Variants in KMT2C observed in about 807,000 individuals in gnomAD.
KMT2C encodes the protein lysine methyltransferase 2C.
A neutral mutation model predicts 507.9 loss-of-function variants in KMT2C; 88 were observed. The observed-to-expected ratio is 0.17, with a 90% CI of 0.15 to 0.21. The LOEUF is 0.21. Ranked by LOEUF, KMT2C falls within the 10% of genes least tolerant of loss-of-function variation. The pLI, the probability that KMT2C is intolerant of heterozygous loss-of-function variation, is 1.00. For missense variants in KMT2C, 4,954 were observed against 5,957.8 expected, an observed-to-expected ratio of 0.83 and a Z score of 5.55; for synonymous variants, 2,049 against 2,080.8, an observed-to-expected ratio of 0.98 and a Z score of 0.42.
intron 26 of KMT2C, among the ~76,000 whole-genome samples, chr7:152,201,231 C>T (rs1347945207): frequency 6.6e-6 from 1 of 151,604 alleles, no homozygotes; most frequent in Non-Finnish European, 1.5e-5. Context: ...TCCATATCGT[C>T]TCTAAAAGTC....
chr7:152,367,894 G>A lies in KMT2C; in HGVS notation c.162-9219C>T, dbSNP rs10230761. 8.5e-3 allele frequency: 8,960 copies of A among 1,060,062 alleles called. 533 individuals carry two copies. In the African/African-American group the frequency reaches 0.12, roughly 15 times the overall value. 65.7% of individuals were successfully genotyped at this position (1,060,062 alleles called of 1,614,324 possible). A position where few individuals can be genotyped will look rare whatever the true frequency, so the allele number is the denominator to read the frequency against. On this transcript the variant is annotated intron_variant, in intron 1 of 58. Transcript: ENST00000262189. ...CCATTGGATATTGAGTTTATGAAGC[G>A]TTCGCATGAAAAAGTGATTATCATC...
chr7:152,241,005 C>A (rs1337693292), intron 14 of KMT2C, among the ~76,000 whole-genome samples: 2 of 152,198 alleles, frequency 1.3e-5, no homozygotes, highest in African/African-American at 2.4e-5. Context: ...CTTCTCAGAG[C>A]ACTTAAAAGA....
At chr7:152,372,063 AG>A (rs1371270227) in intron 1 of KMT2C, among the ~76,000 whole-genome samples, 2 of 152,248 alleles carry the variant, frequency 1.3e-5, no homozygotes, top group Non-Finnish European at 2.9e-5. Context: ...TACAAGAGTC[AG>A]AAAAACTGAC....
chr7:152,362,971 G>A (rs1005517455), intron 1 of KMT2C, among the ~76,000 whole-genome samples: 13 of 152,018 alleles, frequency 8.6e-5, no homozygotes, highest in South Asian at 2.1e-4. Context: ...TGTCATTTTC[G>A]AATTCTTTTA....
chr7:152,136,494 T>A lies in KMT2C; in HGVS notation c.*338A>T. The stretch of plus-strand genomic sequence containing the variant: ...TGCCCCAGTAAAAGTTTCTCCTTAG[T>A]GAGACTAGAAAACCAAAACAATGAA... On this transcript the variant is annotated 3_prime_UTR_variant, in exon 59 of 59. Coordinates refer to ENST00000262189, the MANE Select transcript of KMT2C (RefSeq NM_170606.3). 1 of 289,292 alleles carries A rather than the reference T, an allele frequency of 3.5e-6. No individual in the cohort carries two copies. The highest frequency in any genetic ancestry group is 6.5e-6 in the Non-Finnish European group (1 of 154,232). 17.9% of individuals were successfully genotyped at this position (289,292 alleles called of 1,614,324 possible). A position where few individuals can be genotyped will look rare whatever the true frequency, so the allele number is the denominator to read the frequency against.
In KMT2C at chr7:152,301,952, A is replaced by T. The variant is rs376827580; in HGVS notation, c.849+8014T>A. On this transcript the variant is annotated intron_variant, in intron 6 of 58. Coordinates refer to ENST00000262189, the MANE Select transcript of KMT2C (RefSeq NM_170606.3). The stretch of plus-strand genomic sequence containing the variant: ...TTTTCAACTTTTTTAGACAAATTAC[A>T]TTTAGAAGTTTAAATTTGCCTATCT... Among the ~76,000 whole-genome samples the T allele has an allele frequency of 2.5e-4, 38 of 152,344 alleles. No individual in the cohort carries two copies. In the East Asian group the frequency reaches 4.4e-3, roughly 18 times the overall value.
intron 9 of KMT2C, 59 bp from the exon 10 acceptor site, chr7:152,252,774 C>T: frequency 8.1e-7 from 1 of 1,235,762 alleles, no homozygotes; most frequent in Non-Finnish European, 1.1e-6. Flanking sequence ...AATTGTAGTT[C>T]TGATGTAAAC....
At chr7:152,363,342 CAACT>C (rs1406324348) in intron 1 of KMT2C, among the ~76,000 whole-genome samples, 3 of 152,056 alleles carry the variant, frequency 2.0e-5, no homozygotes, top group Admixed American at 6.6e-5. Context: ...TAAAAGAATA[CAACT>C]AACTTTATTT....
At chr7:152,412,204 C>G (rs2097691331) in intron 1 of KMT2C, among the ~76,000 whole-genome samples, 1 of 152,158 alleles carries the variant, frequency 6.6e-6, no homozygotes, top group Admixed American at 6.5e-5. Flanking sequence ...AGTTTGAGAC[C>G]AGTCTGGCCA....
chr7:152,313,001 A>C (rs1300781658), intron 4 of KMT2C, among the ~76,000 whole-genome samples: 1 of 152,186 alleles, frequency 6.6e-6, no homozygotes, highest in South Asian at 2.1e-4. Context: ...AAAAAGTATT[A>C]ACATATTTCA....
chr7:152,273,825 A>G lies in KMT2C; in HGVS notation c.892T>C (p.Cys298Arg). 1.9e-6 allele frequency: 3 copies of G among 1,614,044 alleles called. No homozygotes were observed. The highest frequency in any genetic ancestry group is 2.5e-6 in the Non-Finnish European group (3 of 1,179,878). Reference sequence around the variant, plus strand: ...TACATCTGGGTACATTTCTCTTCACAGCATTTGATAGTGGCTCCAAGGTGC... The same window carrying G: ...TACATCTGGGTACATTTCTCTTCACGGCATTTGATAGTGGCTCCAAGGTGC... ...CKHLGATIKC[C>R]EEKCTQMYHY... Residue 298 changes from cysteine (C) to arginine (R), a missense_variant, in exon 7 of 59, where the codon TGT (cysteine) becomes CGT (arginine). Cys to Arg is a radical substitution (Grantham distance 180). This residue lies in a region of KMT2C where 24 missense variants were observed against 82.7 expected (regional missense o/e 0.29). Transcript: ENST00000262189.
intron 6 of KMT2C, among the ~76,000 whole-genome samples, chr7:152,302,449 C>G (rs1345307780): frequency 1.3e-5 from 2 of 152,020 alleles, no homozygotes; most frequent in African/African-American, 4.8e-5. Flanking sequence ...GTTTCAAACT[C>G]CTGACCTCAG....
At chr7:152,414,325 T>A (rs1300900808) in intron 1 of KMT2C, among the ~76,000 whole-genome samples, 2 of 151,202 alleles carry the variant, frequency 1.3e-5, no homozygotes, top group African/African-American at 4.9e-5. Context: ...AGGTCAGGAG[T>A]TCGAGACCAG....
rs376613179 is a variant in KMT2C at position 152,286,058 on chromosome 7, G to T, written c.850-12191C>A. On this transcript the variant is annotated intron_variant, in intron 6 of 58. Transcript: ENST00000262189. The stretch of plus-strand genomic sequence containing the variant: ...AAATTTTAGTGGATGGGCTTAACAA[G>T]AGATTGGTAGAAAATTGGTCCATCT... 9.5e-4 allele frequency among the ~76,000 whole-genome samples: 145 copies of T among 152,374 alleles called. No homozygotes were observed. The East Asian group carries it at 0.022, about 23-fold the overall frequency.
intron 1 of KMT2C, among the ~76,000 whole-genome samples, chr7:152,394,283 T>C (rs1452288145): frequency 1.3e-5 from 2 of 149,286 alleles, no homozygotes; most frequent in South Asian, 4.3e-4. Flanking sequence ...GACTCTCATC[T>C]AATCCAGAGT....
At position 152,141,860 on chromosome 7, in the gene KMT2C, A is replaced by G. The variant is rs145939750; in HGVS notation, c.14344-2069T>C. 4.8e-4 allele frequency among the ~76,000 whole-genome samples: 73 copies of G among 152,284 alleles called. 2 individuals carry two copies. In the East Asian group the frequency reaches 9.8e-3, roughly 21 times the overall value. ...ATGGCAAAACCTCATCTCTAAATAA[A>G]TATTTTTAAAAATTAGCCAAGTATT... On this transcript the variant is annotated intron_variant, in intron 55 of 58. Coordinates refer to ENST00000262189, the MANE Select transcript of KMT2C (RefSeq NM_170606.3).
At chr7:152,315,459 A>G (rs2096713609) in intron 3 of KMT2C, 121 bp from the exon 4 acceptor site, 1 of 675,208 alleles carries the variant, frequency 1.5e-6, no homozygotes, top group African/African-American at 1.8e-5. Context: ...AAGCTTTTCA[A>G]TCTATTTTCT....
At chr7:152,401,575 C>A (rs1336932642) in intron 1 of KMT2C, among the ~76,000 whole-genome samples, 1 of 152,098 alleles carries the variant, frequency 6.6e-6, no homozygotes, top group Non-Finnish European at 1.5e-5. Flanking sequence ...CCTGTAGTCC[C>A]AGCTACTTGG....
intron 1 of KMT2C, among the ~76,000 whole-genome samples, chr7:152,375,341 G>A (rs902351361): frequency 1.3e-5 from 2 of 150,662 alleles, no homozygotes; most frequent in African/African-American, 2.4e-5. Flanking sequence ...CACACCCAGC[G>A]AGTTTTTTTT....
Sources: gnomAD v4.1 joint callset for allele counts (sites outside exome capture counted in the v4.1 genomes callset) on GRCh38, gnomAD v4.1.1 for gene constraint, gnomAD v4.1.1 regional missense constraint, MANE v1.5 for transcripts, NCBI Gene and HGNC (gene_info 2026-07-23, HGNC 2026-07-21) for gene names.